Variants in SLC25A48 observed in about 807,000 individuals in gnomAD.
SLC25A48 encodes CTC-321K16.1.
In SLC25A48, 29 loss-of-function variants were observed where a neutral mutation model predicts 32.2. The observed-to-expected ratio is 0.90, with a 90% confidence interval of 0.67 to 1.23. The LOEUF (loss-of-function observed/expected upper bound fraction) is 1.23. Among genes scored for constraint, SLC25A48 ranks in the 50% most tolerant of loss-of-function variants. The pLI is 0.00. For synonymous variants in SLC25A48, 164 were observed against 172.3 expected, an observed-to-expected ratio of 0.95 and a Z score of 0.38; for missense variants, 399 against 422.7, an observed-to-expected ratio of 0.94 and a Z score of 0.49.
chr5:135,724,684 G>A (rs1040990141), intron 3 of SLC25A48, among the ~76,000 whole-genome samples: 13 of 152,242 alleles, frequency 8.5e-5, no homozygotes, highest in Non-Finnish European at 1.5e-4. Flanking sequence ...GCCCTGATAG[G>A]CTATAACCTT....
intron 3 of SLC25A48, among the ~76,000 whole-genome samples, chr5:135,803,275 T>G (rs541759927): frequency 6.6e-6 from 1 of 151,748 alleles, no homozygotes; most frequent in South Asian, 2.1e-4. Context: ...TTATTCCTAA[T>G]ATCACAGTGG....
At chr5:135,820,741 G>C (rs1260273911) in intron 4 of SLC25A48, among the ~76,000 whole-genome samples, 1 of 152,206 alleles carries the variant, frequency 6.6e-6, no homozygotes, top group Non-Finnish European at 1.5e-5. Flanking sequence ...GTTGAGTCGA[G>C]TGACTATTCA....
intron 4 of SLC25A48, among the ~76,000 whole-genome samples, chr5:135,819,723 A>G (rs1312012814): frequency 2.0e-5 from 3 of 152,328 alleles, no homozygotes; most frequent in East Asian, 1.9e-4. Context: ...TGTACACTTT[A>G]TGTAGCTAAT....
intron 3 of SLC25A48, among the ~76,000 whole-genome samples, chr5:135,655,208 C>T (rs995218121): frequency 9.2e-5 from 14 of 152,198 alleles, no homozygotes; most frequent in African/African-American, 2.4e-4. Context: ...TCCAAAACCC[C>T]GGCTTTGCTA....
intron 2 of SLC25A48, among the ~76,000 whole-genome samples, chr5:135,630,117 G>T (rs1752522261): frequency 6.6e-6 from 1 of 152,178 alleles, no homozygotes; most frequent in African/African-American, 2.4e-5. Context: ...GAATGGCTCA[G>T]CTAGAATATG....
At chr5:135,806,564 A>C (rs926037883) in intron 3 of SLC25A48, among the ~76,000 whole-genome samples, 2 of 151,172 alleles carry the variant, frequency 1.3e-5, no homozygotes, top group African/African-American at 4.8e-5. Flanking sequence ...GTGTGTTAAC[A>C]CTAGATGTTA....
At chr5:135,768,071 C>T (rs866552266) in intron 3 of SLC25A48, among the ~76,000 whole-genome samples, 18 of 138,148 alleles carry the variant, frequency 1.3e-4, no homozygotes, top group Middle Eastern at 4.6e-3. Flanking sequence ...AATATCGCAG[C>T]GGGTGTACAC....
At chr5:135,811,167 C>T (rs1351601852) in intron 3 of SLC25A48, among the ~76,000 whole-genome samples, 2 of 152,156 alleles carry the variant, frequency 1.3e-5, no homozygotes, top group South Asian at 2.1e-4. Flanking sequence ...ATGCAAGGAG[C>T]GGAAGGAGGG....
At chr5:135,851,694 A>G (rs1376748542) in intron 3 of SLC25A48, among the ~76,000 whole-genome samples, 3 of 152,148 alleles carry the variant, frequency 2.0e-5, no homozygotes, top group African/African-American at 7.2e-5. Flanking sequence ...GTTTGTGCAC[A>G]GCCTGGAGTC....
rs141927349 is a variant in SLC25A48, at chr5:135,836,857, T to C, written c.46+1964T>C. On this transcript the variant is annotated intron_variant, in intron 1 of 7. Coordinates refer to ENST00000681962, the MANE Select transcript of SLC25A48 (RefSeq NM_001349336.2). ...ATGCATCTAGCATTGGCACCAGGAT[T>C]CCAACCCAGGCTGCCTGGCACCAGA... 4.9e-3 allele frequency among the ~76,000 whole-genome samples: 750 copies of C among 152,214 alleles called. 3 individuals are homozygous for C. Among genetic ancestry groups the C allele is most frequent in the African/African-American group, 0.017 (722 of 41,510 alleles).
At chr5:135,831,376 G>T (rs1242247199), upstream of SLC25A48, among the ~76,000 whole-genome samples, 2 of 152,270 alleles carry the variant, frequency 1.3e-5, no homozygotes, top group African/African-American at 2.4e-5. Context: ...GGCTCTGCAG[G>T]TCCAGTGCAG....
upstream of SLC25A48, among the ~76,000 whole-genome samples, chr5:135,834,179 C>T (rs184575886): frequency 6.6e-6 from 1 of 152,216 alleles, no homozygotes; most frequent in African/African-American, 2.4e-5. Flanking sequence ...GTACAGAGCA[C>T]CACCTCTGCC....
chr5:135,732,772 G>A (rs1347334952), intron 3 of SLC25A48, among the ~76,000 whole-genome samples: 5 of 152,298 alleles, frequency 3.3e-5, no homozygotes, highest in African/African-American at 1.2e-4. Flanking sequence ...GAGATTGATA[G>A]GTGGAAGTTT....
chr5:135,706,672 C>T (rs1227423110), intron 3 of SLC25A48, among the ~76,000 whole-genome samples: 2 of 152,134 alleles, frequency 1.3e-5, no homozygotes, highest in African/African-American at 4.8e-5. Flanking sequence ...CCAGAAGCTA[C>T]CACCAAGATG....
chr5:135,745,547 C>T (rs1166417697), intron 3 of SLC25A48, among the ~76,000 whole-genome samples: 1 of 152,074 alleles, frequency 6.6e-6, no homozygotes, highest in Non-Finnish European at 1.5e-5. Flanking sequence ...GGAAAAAAGG[C>T]CAGCGGGGGT....
At chr5:135,635,035 A>T (rs984434267) in intron 3 of SLC25A48, 11 of 151,900 alleles carry the variant, frequency 7.2e-5, no homozygotes, top group African/African-American at 2.7e-4. Flanking sequence ...GACTCCACAT[A>T]CCCATCCTTC....
At chr5:135,643,610 T>A (rs1444565270) in intron 3 of SLC25A48, among the ~76,000 whole-genome samples, 2 of 152,080 alleles carry the variant, frequency 1.3e-5, no homozygotes, top group African/African-American at 4.8e-5. Context: ...CTTCGCAGAG[T>A]CAACTCTCCC....
At chr5:135,580,377 G>C (rs1006461682) in intron 1 of SLC25A48, among the ~76,000 whole-genome samples, 1 of 152,180 alleles carries the variant, frequency 6.6e-6, no homozygotes, top group Non-Finnish European at 1.5e-5. Context: ...GCTGTCAGGA[G>C]AGAGCTCACC....
At chr5:135,775,757 C>T (rs548882955) in intron 3 of SLC25A48, among the ~76,000 whole-genome samples, 12 of 151,564 alleles carry the variant, frequency 7.9e-5, no homozygotes, top group South Asian at 2.1e-4. Flanking sequence ...CCCAGTATCA[C>T]AGGGCATGTA....
Sources: allele counts gnomAD v4.1 joint callset (sites outside exome capture counted in the v4.1 genomes callset), GRCh38; gene constraint gnomAD v4.1.1; transcripts MANE v1.5; gene names NCBI Gene and HGNC (gene_info 2026-07-23, HGNC 2026-07-21).